The following PRDM2 variants were observed in gnomAD, a reference collection of about 807,000 sequenced individuals.
PRDM2 encodes the protein PR domain zinc finger protein 2.
Under a neutral mutation model 130.0 loss-of-function variants are expected in PRDM2, and 30 were observed. That is an observed-to-expected ratio of 0.23 (90% CI 0.17 to 0.31). PRDM2 has a LOEUF of 0.31. Ranked by LOEUF, PRDM2 falls within the 10% of genes least tolerant of loss-of-function variation. The pLI is 1.00. For synonymous variants in PRDM2, 871 were observed against 782.4 expected, an observed-to-expected ratio of 1.11 and a Z score of -1.89; for missense variants, 2,011 against 2,108.4, an observed-to-expected ratio of 0.95 and a Z score of 0.90.
intron 2 of PRDM2, chr1:13,717,373 G>A: frequency 4.1e-6 from 4 of 982,930 alleles, no homozygotes; most frequent in Non-Finnish European, 4.8e-6. Context: ...TCGGTTCTCT[G>A]CAGTCTAGGA....
In PRDM2 at chr1:13,778,001, C is replaced by G. The variant is rs114029487; in HGVS notation, c.623-417C>G. ...TGATATGTCTGGTAAAGAACTGTTTCCAGTTTGGAATCATGAGAAATTAGA... is the reference window on the plus strand; with the variant it reads ...TGATATGTCTGGTAAAGAACTGTTTGCAGTTTGGAATCATGAGAAATTAGA... On this transcript the variant is annotated intron_variant, in intron 7 of 9. Transcript: ENST00000311066. Among the ~76,000 whole-genome samples, 727 of 152,220 alleles carry G rather than the reference C, an allele frequency of 4.8e-3. 4 individuals carry two copies. Among genetic ancestry groups the G allele is most frequent in the Non-Finnish European group, 8.0e-3 (545 of 68,000 alleles).
chr1:13,727,993 G>A (rs1642978167), intron 2 of PRDM2, among the ~76,000 whole-genome samples: 1 of 152,078 alleles, frequency 6.6e-6, no homozygotes, highest in Non-Finnish European at 1.5e-5. Context: ...TTGGTTGCTT[G>A]GAATTAATGG....
intron 8 of PRDM2, among the ~76,000 whole-genome samples, chr1:13,799,552 A>C (rs1164838229): frequency 6.6e-6 from 1 of 152,224 alleles, no homozygotes; most frequent in Non-Finnish European, 1.5e-5. Flanking sequence ...AACTGTGGAT[A>C]AAACATACAG....
At chr1:13,712,093 G>A (rs780971419) in intron 1 of PRDM2, among the ~76,000 whole-genome samples, 9 of 151,142 alleles carry the variant, frequency 6.0e-5, no homozygotes, top group Admixed American at 2.0e-4. Flanking sequence ...GCATGGTGGC[G>A]CGAGCCTGTA....
chr1:13,738,426 G>A (rs1203652), intron 4 of PRDM2, among the ~76,000 whole-genome samples: 26,517 of 152,122 alleles, frequency 0.17, 2,909 homozygotes, highest in Admixed American at 0.24. Flanking sequence ...GTTCACTGGG[G>A]GTCTACTGTG....
chr1:13,755,692 T>G (rs1643932667), intron 6 of PRDM2, among the ~76,000 whole-genome samples: 1 of 152,194 alleles, frequency 6.6e-6, no homozygotes, highest in South Asian at 2.1e-4. Context: ...CTAGACAATT[T>G]CATGTTCCAG....
chr1:13,725,974 T>A (rs527498413), intron 2 of PRDM2, among the ~76,000 whole-genome samples: 1 of 152,354 alleles, frequency 6.6e-6, no homozygotes, highest in East Asian at 1.9e-4. Flanking sequence ...GCATAGTATT[T>A]GAGAATCCAG....
intron 9 of PRDM2, among the ~76,000 whole-genome samples, chr1:13,820,536 A>G (rs1472472648): frequency 6.6e-6 from 1 of 152,196 alleles, no homozygotes; most frequent in African/African-American, 2.4e-5. Context: ...GGGAAGGGAC[A>G]GCCTCTCACC....
At chr1:13,820,537 G>A (rs1180039225) in intron 9 of PRDM2, among the ~76,000 whole-genome samples, 1 of 152,214 alleles carries the variant, frequency 6.6e-6, no homozygotes, top group Non-Finnish European at 1.5e-5. Flanking sequence ...GGAAGGGACA[G>A]CCTCTCACCT....
chr1:13,701,138 CTGAAAT>C, intron 1 of PRDM2, among the ~76,000 whole-genome samples: 1 of 152,202 alleles, frequency 6.6e-6, no homozygotes, highest in Non-Finnish European at 1.5e-5. Context: ...AACTACGCAG[CTGAAAT>C]TTCCCCTAAC....
At chr1:13,730,850 A>G (rs1026694835) in intron 2 of PRDM2, 150 bp from the exon 3 acceptor site, 1 of 579,038 alleles carries the variant, frequency 1.7e-6, no homozygotes, top group Non-Finnish European at 3.0e-6. Flanking sequence ...CAGCTCCTCA[A>G]ATGCTTGACA....
At chr1:13,821,517 C>T (rs1645351370) in intron 9 of PRDM2, among the ~76,000 whole-genome samples, 1 of 151,646 alleles carries the variant, frequency 6.6e-6, no homozygotes, top group African/African-American at 2.4e-5. Context: ...GGCTGGAGTG[C>T]AGTGGCGCAA....
intron 5 of PRDM2, among the ~76,000 whole-genome samples, chr1:13,742,383 G>C (rs1036472397): frequency 3.3e-5 from 5 of 152,084 alleles, no homozygotes; most frequent in Non-Finnish European, 4.4e-5. Flanking sequence ...TGAATTTTTT[G>C]TAGAGACAGA....
chr1:13,812,023 T>C (rs1478754129), intron 8 of PRDM2, among the ~76,000 whole-genome samples: 1 of 152,046 alleles, frequency 6.6e-6, no homozygotes, highest in African/African-American at 2.4e-5. Flanking sequence ...CGCAAGCAGG[T>C]GCACAGCACT....
intron 6 of PRDM2, among the ~76,000 whole-genome samples, chr1:13,763,038 CTT>C (rs945911564): frequency 6.6e-6 from 1 of 152,166 alleles, no homozygotes; most frequent in African/African-American, 2.4e-5. Context: ...TGTAAATGCT[CTT>C]GTTTTTATAA....
intron 9 of PRDM2, among the ~76,000 whole-genome samples, chr1:13,818,548 T>TC (rs973134187): frequency 6.6e-6 from 1 of 150,862 alleles, no homozygotes; most frequent in African/African-American, 2.4e-5. Context: ...CTGGCTAATT[T>TC]TTTTTTTTTT....
intron 8 of PRDM2, among the ~76,000 whole-genome samples, chr1:13,800,063 CCATT>C (rs534865432): frequency 1.9e-4 from 29 of 151,984 alleles, no homozygotes; most frequent in South Asian, 1.2e-3. Flanking sequence ...CAGATCTTGG[CCATT>C]CATTCATTCA....
chr1:13,820,694 G>A (rs902215997), intron 9 of PRDM2, among the ~76,000 whole-genome samples: 1 of 150,970 alleles, frequency 6.6e-6, no homozygotes, highest in Non-Finnish European at 1.5e-5. Context: ...CGCCCATCCC[G>A]GCCCATCTCC....
intron 9 of PRDM2, among the ~76,000 whole-genome samples, chr1:13,819,313 T>C (rs1450030886): frequency 1.3e-5 from 2 of 152,238 alleles, no homozygotes; most frequent in African/African-American, 2.4e-5. Flanking sequence ...CACCAAGCAC[T>C]GTCCTAGGTG....
Sources: allele counts gnomAD v4.1 joint callset (sites outside exome capture counted in the v4.1 genomes callset), GRCh38; gene constraint gnomAD v4.1.1; transcripts MANE v1.5; gene names NCBI Gene and HGNC (gene_info 2026-07-23, HGNC 2026-07-21).